ZBTB16: variants seen among roughly 807,000 people sequenced by gnomAD.
The protein encoded by ZBTB16 is zinc finger and BTB domain-containing protein 16.
A neutral mutation model predicts 56.8 loss-of-function variants in ZBTB16; 8 were observed. The observed-to-expected ratio is 0.14, with a 90% CI of 0.08 to 0.25. The LOEUF (loss-of-function observed/expected upper bound fraction) is 0.25, where lower values mean the gene tolerates loss of function less well. Ranked by LOEUF, ZBTB16 falls within the 10% of genes least tolerant of loss-of-function variation. The probability of loss-of-function intolerance (pLI) is 1.00; values close to 1 mark genes in which losing one functional copy is unlikely to be tolerated. For synonymous variants in ZBTB16, 363 were observed against 368.5 expected (o/e 0.98, Z 0.17); for missense variants, 625 against 903.0 (o/e 0.69, Z 3.95).
chr11:114,182,388 C>T (rs1202949498), intron 3 of ZBTB16, among the ~76,000 whole-genome samples: 1 of 152,158 alleles, frequency 6.6e-6, no homozygotes, highest in Non-Finnish European at 1.5e-5. Flanking sequence ...TCACTTATCA[C>T]CACCTGGCCT....
chr11:114,173,263 C>G (rs1159374435), intron 3 of ZBTB16, among the ~76,000 whole-genome samples: 8 of 152,152 alleles, frequency 5.3e-5, no homozygotes, highest in African/African-American at 1.9e-4. Context: ...CTGAGAAGGG[C>G]TAAAAATAGA....
intron 2 of ZBTB16, among the ~76,000 whole-genome samples, chr11:114,115,341 C>CTT (rs35873921): frequency 1.4e-4 from 18 of 127,518 alleles, no homozygotes; most frequent in African/African-American, 4.5e-4. Flanking sequence ...CTCCTTCCTC[C>CTT]TTTTTTTTTT....
rs149272421 is a variant in ZBTB16, at chr11:114,220,638, T to C, written c.1454-21529T>C. ...TTCATCAGTGTCTCCCCAGACCAGGTGCTGGTGGATGCTTGATAGACATAG... is the reference window on the plus strand; with the variant it reads ...TTCATCAGTGTCTCCCCAGACCAGGCGCTGGTGGATGCTTGATAGACATAG... On this transcript the variant is annotated intron_variant, in intron 4 of 6. Coordinates refer to ENST00000335953, the MANE Select transcript of ZBTB16 (RefSeq NM_006006.6). Among the ~76,000 whole-genome samples the C allele has an allele frequency of 2.5e-4, 38 of 152,294 alleles. No individual in the cohort carries two copies. The East Asian group carries it at 7.1e-3, about 29-fold the overall frequency.
intron 4 of ZBTB16, among the ~76,000 whole-genome samples, chr11:114,193,989 G>A (rs867312477): frequency 6.6e-6 from 1 of 152,190 alleles, no homozygotes; most frequent in Non-Finnish European, 1.5e-5. Flanking sequence ...GGCTGCCTCC[G>A]CACTGACTGA....
At chr11:114,164,782 C>T (rs969449574) in intron 3 of ZBTB16, among the ~76,000 whole-genome samples, 2 of 152,104 alleles carry the variant, frequency 1.3e-5, no homozygotes, top group African/African-American at 4.8e-5. Context: ...GGGCATCCAT[C>T]ACGCTACTGC....
intron 3 of ZBTB16, among the ~76,000 whole-genome samples, chr11:114,163,398 T>C (rs1279353620): frequency 6.6e-6 from 1 of 152,158 alleles, no homozygotes; most frequent in Admixed American, 6.5e-5. Flanking sequence ...TTTGGTTTTG[T>C]TGTGTGGGTT....
chr11:114,228,577 C>T (rs1944376139), intron 4 of ZBTB16, among the ~76,000 whole-genome samples: 1 of 152,224 alleles, frequency 6.6e-6, no homozygotes, highest in African/African-American at 2.4e-5. Flanking sequence ...GACCTGAGCT[C>T]ACTCCCCTTT....
At chr11:114,160,655 TA>T (rs1475945276) in intron 3 of ZBTB16, among the ~76,000 whole-genome samples, 1 of 152,226 alleles carries the variant, frequency 6.6e-6, no homozygotes, top group Non-Finnish European at 1.5e-5. Context: ...TAAGGGTTTT[TA>T]AAAGAGCCTA....
chr11:114,144,327 T>C (rs1942043018), intron 2 of ZBTB16, among the ~76,000 whole-genome samples: 1 of 152,276 alleles, frequency 6.6e-6, no homozygotes, highest in South Asian at 2.1e-4. Flanking sequence ...GGAAAACTCA[T>C]AATTTTCACA....
At chr11:114,144,825 G>A (rs1473474440) in intron 2 of ZBTB16, among the ~76,000 whole-genome samples, 1 of 152,224 alleles carries the variant, frequency 6.6e-6, no homozygotes, top group Non-Finnish European at 1.5e-5. Flanking sequence ...CTTCAGTTGA[G>A]CTGGGATCCC....
At chr11:114,070,114 T>C in intron 2 of ZBTB16, among the ~76,000 whole-genome samples, 1 of 124,628 alleles carries the variant, frequency 8.0e-6, no homozygotes, top group East Asian at 2.2e-4. Flanking sequence ...TTTTTTTTTT[T>C]TTTTTGAGAC....
At chr11:114,190,274 G>C (rs191028023) in intron 4 of ZBTB16, among the ~76,000 whole-genome samples, 83 of 152,118 alleles carry the variant, frequency 5.5e-4, no homozygotes, top group Non-Finnish European at 1.1e-3. Flanking sequence ...GAGGCTCCTC[G>C]ACTTACAATG....
chr11:114,180,261 C>T (rs751466315), intron 3 of ZBTB16, among the ~76,000 whole-genome samples: 12 of 152,156 alleles, frequency 7.9e-5, no homozygotes, highest in African/African-American at 2.7e-4. Context: ...TAGAACATCC[C>T]GAAGCCCTCA....
At chr11:114,213,986 G>A (rs1011297749) in intron 4 of ZBTB16, among the ~76,000 whole-genome samples, 2 of 152,102 alleles carry the variant, frequency 1.3e-5, no homozygotes, top group African/African-American at 4.8e-5. Flanking sequence ...GTTTTGTTTT[G>A]TCTTTTCCTA....
intron 2 of ZBTB16, among the ~76,000 whole-genome samples, chr11:114,124,996 G>C (rs1941466304): frequency 6.6e-6 from 1 of 151,990 alleles, no homozygotes; most frequent in Non-Finnish European, 1.5e-5. Context: ...AGGGTGGGAG[G>C]GAGGCAGATA....
At chr11:114,224,056 A>G (rs1944286799) in intron 4 of ZBTB16, among the ~76,000 whole-genome samples, 1 of 152,164 alleles carries the variant, frequency 6.6e-6, no homozygotes, top group African/African-American at 2.4e-5. Flanking sequence ...TCTGGGGACA[A>G]TAGGGAAGTA....
intron 2 of ZBTB16, among the ~76,000 whole-genome samples, chr11:114,093,432 C>G (rs956380692): frequency 6.6e-6 from 1 of 152,190 alleles, no homozygotes; most frequent in Admixed American, 6.5e-5. Flanking sequence ...CCACTACACT[C>G]AGCCCTGCTG....
At chr11:114,103,360 C>T (rs1165134073) in intron 2 of ZBTB16, among the ~76,000 whole-genome samples, 1 of 152,112 alleles carries the variant, frequency 6.6e-6, no homozygotes, top group East Asian at 1.9e-4. Context: ...AAGGGACTGC[C>T]CCAGAATTAG....
rs578070259 is a variant in ZBTB16, at chr11:114,198,655, C to T, written c.1453+11617C>T. Reference sequence around the variant, plus strand: ...GAGTATAGAGTTCCCACTGTACCCCCGTCCTCACACGCAAGTGCACAGCCT... The same window carrying T: ...GAGTATAGAGTTCCCACTGTACCCCTGTCCTCACACGCAAGTGCACAGCCT... On this transcript the variant is annotated intron_variant, in intron 4 of 6. Transcript: ENST00000335953. Among the ~76,000 whole-genome samples the T allele has an allele frequency of 1.1e-3, 165 of 152,324 alleles. 1 individual carries two copies. In the South Asian group the frequency reaches 0.012, roughly 11 times the overall value.
Sources: gnomAD v4.1 joint callset for allele counts (sites outside exome capture counted in the v4.1 genomes callset) on GRCh38, gnomAD v4.1.1 for gene constraint, MANE v1.5 for transcripts, NCBI Gene and HGNC (gene_info 2026-07-23, HGNC 2026-07-21) for gene names.